GRK3: variants seen among roughly 807,000 people sequenced by gnomAD.
GRK3 encodes the protein adrenergic, beta, receptor kinase 2.
GRK3 carries 54 observed loss-of-function variants against 95.7 expected under a neutral mutation model. The observed-to-expected ratio is 0.56, with a 90% CI of 0.45 to 0.71. The LOEUF is 0.71. Ranked by LOEUF, GRK3 falls within the 30% of genes least tolerant of loss-of-function variation. The pLI is 0.00. For missense variants in GRK3, 649 were observed against 851.2 expected (o/e 0.76, Z 2.96); for synonymous variants, 281 against 290.8 (o/e 0.97, Z 0.34).
At chr22:25,681,353 C>T (rs747613279) in intron 9 of GRK3, among the ~76,000 whole-genome samples, 3 of 152,098 alleles carry the variant, frequency 2.0e-5, no homozygotes, top group Non-Finnish European at 4.4e-5. Context: ...ACACAGTGCT[C>T]GGAAGGCCTT....
chr22:25,713,168 G>C (rs1458369790), intron 17 of GRK3, among the ~76,000 whole-genome samples: 1 of 152,132 alleles, frequency 6.6e-6, no homozygotes, highest in Non-Finnish European at 1.5e-5. Context: ...AGCATGCTTT[G>C]ACTCTTTGCC....
chr22:25,572,203 C>A (rs2146311417), intron 1 of GRK3, among the ~76,000 whole-genome samples: 1 of 152,278 alleles, frequency 6.6e-6, no homozygotes, highest in East Asian at 1.9e-4. Context: ...TTTTTTATGG[C>A]TGCATAGTAT....
intron 10 of GRK3, 146 bp from the exon 11 acceptor site, chr22:25,687,390 TA>T: frequency 1.4e-6 from 1 of 733,200 alleles, no homozygotes; most frequent in Non-Finnish European, 2.2e-6. Context: ...AAGCTGTTGC[TA>T]AACTACAGGA....
At chr22:25,680,547 A>G (rs1375117642) in intron 9 of GRK3, among the ~76,000 whole-genome samples, 1 of 152,168 alleles carries the variant, frequency 6.6e-6, no homozygotes, top group Non-Finnish European at 1.5e-5. Flanking sequence ...TTTTCATGTA[A>G]TATTTTTATA....
chr22:25,601,146 A>AC (rs1273834644), intron 1 of GRK3, among the ~76,000 whole-genome samples: 1 of 152,350 alleles, frequency 6.6e-6, no homozygotes, highest in African/African-American at 2.4e-5. Flanking sequence ...TCTAAGCAAC[A>AC]CTATCAACCA....
At chr22:25,721,508 TAGTA>T (rs1452507947) in intron 20 of GRK3, 111 bp downstream of exon 20, 11 of 655,532 alleles carry the variant, frequency 1.7e-5, no homozygotes, top group Non-Finnish European at 2.7e-5. Flanking sequence ...CTTACAAACT[TAGTA>T]AGAAAGCCCC....
At chr22:25,656,073 T>G (rs2084869095) in intron 3 of GRK3, among the ~76,000 whole-genome samples, 3 of 152,128 alleles carry the variant, frequency 2.0e-5, no homozygotes, top group South Asian at 4.2e-4. Flanking sequence ...CTGGAATGAT[T>G]ATAGTACCTG....
chr22:25,628,231 A>G (rs1034931134), intron 2 of GRK3, among the ~76,000 whole-genome samples: 4 of 152,222 alleles, frequency 2.6e-5, no homozygotes, highest in African/African-American at 4.8e-5. Flanking sequence ...CAAAATGGGC[A>G]CTCCTATCCA....
chr22:25,695,072 T>C (rs2085196598), intron 12 of GRK3, 35 bp from the exon 13 acceptor site: 1 of 1,509,624 alleles, frequency 6.6e-7, no homozygotes. Context: ...AAAGTGGGCA[T>C]GCTCTGATAA....
chr22:25,588,089 A>G (rs1228165600), intron 1 of GRK3, among the ~76,000 whole-genome samples: 74 of 152,060 alleles, frequency 4.9e-4, no homozygotes, highest in African/African-American at 1.1e-3. Flanking sequence ...GTGAGCCACC[A>G]CGCCCTGCCT....
intron 1 of GRK3, among the ~76,000 whole-genome samples, chr22:25,583,357 C>CTTTTTT (rs113355685): frequency 1.5e-5 from 2 of 135,566 alleles, no homozygotes; most frequent in African/African-American, 2.8e-5. Context: ...TTTCTGTGTA[C>CTTTTTT]TTTTTTTTTT....
At chr22:25,624,486 C>T (rs1456886302) in intron 2 of GRK3, among the ~76,000 whole-genome samples, 1 of 152,108 alleles carries the variant, frequency 6.6e-6, no homozygotes, top group Non-Finnish European at 1.5e-5. Context: ...ATGACGTGAA[C>T]CCGGGAGGTG....
At chr22:25,600,892 CTT>C (rs2084405088) in intron 1 of GRK3, among the ~76,000 whole-genome samples, 1 of 152,104 alleles carries the variant, frequency 6.6e-6, no homozygotes, top group South Asian at 2.1e-4. Context: ...ATAAAATAGA[CTT>C]AACAAAGATT....
chr22:25,673,308 C>T (rs531102331), intron 7 of GRK3, among the ~76,000 whole-genome samples: 212 of 152,146 alleles, frequency 1.4e-3, no homozygotes, highest in African/African-American at 4.9e-3. Flanking sequence ...ATGATCAGCC[C>T]GCCTCGGCCT....
At chr22:25,681,301 A>G (rs768291177) in intron 9 of GRK3, among the ~76,000 whole-genome samples, 21 of 152,310 alleles carry the variant, frequency 1.4e-4, no homozygotes, top group Middle Eastern at 3.4e-3. Flanking sequence ...ACGGAAATGT[A>G]TGGACAACTG....
At chr22:25,693,207 G>C (rs1036012107) in intron 12 of GRK3, among the ~76,000 whole-genome samples, 4 of 152,162 alleles carry the variant, frequency 2.6e-5, no homozygotes, top group Non-Finnish European at 5.9e-5. Flanking sequence ...CCAAGTGTTC[G>C]TTCAGTATTA....
At chr22:25,574,712 A>G (rs1931829042) in intron 1 of GRK3, among the ~76,000 whole-genome samples, 1 of 152,132 alleles carries the variant, frequency 6.6e-6, no homozygotes, top group Non-Finnish European at 1.5e-5. Flanking sequence ...AGATCAAGGG[A>G]CTTTAATACA....
intron 12 of GRK3, among the ~76,000 whole-genome samples, chr22:25,691,955 A>G (rs1275978745): frequency 6.6e-6 from 1 of 152,146 alleles, no homozygotes; most frequent in South Asian, 2.1e-4. Flanking sequence ...TAAACATACA[A>G]CAAAATTTTA....
intron 1 of GRK3, among the ~76,000 whole-genome samples, chr22:25,603,084 T>G (rs1291960910): frequency 6.6e-6 from 1 of 152,116 alleles, no homozygotes; most frequent in African/African-American, 2.4e-5. Flanking sequence ...ACCCAGCTAA[T>G]TTTTGTATTT....
Sources: allele counts gnomAD v4.1 joint callset (sites outside exome capture counted in the v4.1 genomes callset), GRCh38; gene constraint gnomAD v4.1.1; transcripts MANE v1.5; gene names NCBI Gene and HGNC (gene_info 2026-07-23, HGNC 2026-07-21).